MAML2: variants seen among roughly 807,000 people sequenced by gnomAD.
MAML2 encodes mastermind like transcriptional coactivator 2.
MAML2 carries 22 observed loss-of-function variants against 96.1 expected under a neutral mutation model. The observed-to-expected ratio is 0.23, with a 90% confidence interval of 0.16 to 0.33. The LOEUF is 0.33. Ranked by LOEUF, MAML2 falls within the 10% of genes least tolerant of loss-of-function variation. MAML2 has a pLI of 1.00. For missense variants in MAML2, 1,367 were observed against 1,392.4 expected (o/e 0.98, Z 0.29); for synonymous variants, 561 against 521.3 (o/e 1.08, Z -1.04).
At chr11:96,323,597 T>C (rs569585432) in intron 1 of MAML2, among the ~76,000 whole-genome samples, 2 of 152,352 alleles carry the variant, frequency 1.3e-5, no homozygotes, top group African/African-American at 4.8e-5. Context: ...CCCAAACTTA[T>C]TCTATAAATA....
At chr11:96,075,159 A>T (rs926027028) in intron 2 of MAML2, among the ~76,000 whole-genome samples, 2 of 152,246 alleles carry the variant, frequency 1.3e-5, no homozygotes, top group African/African-American at 4.8e-5. Context: ...GGATATTGAT[A>T]ATATTTCATG....
intron 1 of MAML2, among the ~76,000 whole-genome samples, chr11:96,213,212 G>A (rs1316928153): frequency 6.6e-6 from 1 of 152,182 alleles, no homozygotes; most frequent in Non-Finnish European, 1.5e-5. Flanking sequence ...CCCCATTGGA[G>A]CTCTTAGAAC....
intron 1 of MAML2, among the ~76,000 whole-genome samples, chr11:96,234,268 G>A (rs1862336726): frequency 6.6e-6 from 1 of 152,094 alleles, no homozygotes; most frequent in African/African-American, 2.4e-5. Context: ...GGTCACCTAA[G>A]GTCAGGAGTT....
intron 1 of MAML2, among the ~76,000 whole-genome samples, chr11:96,111,235 C>G (rs1349501938): frequency 6.6e-6 from 1 of 152,054 alleles, no homozygotes; most frequent in Non-Finnish European, 1.5e-5. Flanking sequence ...AAGTAACACC[C>G]TTTTTTCCTC....
chr11:96,342,084 G>C lies in MAML2; in HGVS notation c.-189C>G, dbSNP rs1373502853. ...GAGGGGAGTTAGTAAAAAGAGGGTG[G>C]GGAGAAAGAATAGAAACCAACTGGG... On this transcript the variant is annotated 5_prime_UTR_variant, in exon 1 of 5. Transcript: ENST00000524717. 10 of 580,266 alleles carry C rather than the reference G, an allele frequency of 1.7e-5. No homozygotes were observed. In the South Asian group the frequency reaches 2.5e-4, roughly 14 times the overall value. The allele number at this position is 580,266 out of a possible 1,614,324, so 35.9% of individuals were successfully genotyped here.
intron 2 of MAML2, among the ~76,000 whole-genome samples, chr11:96,082,777 G>C (rs762583966): frequency 3.3e-4 from 51 of 152,316 alleles, no homozygotes; most frequent in Non-Finnish European, 6.9e-4. Context: ...GTAAAAAGGA[G>C]AATTACAGTA....
At chr11:96,139,893 G>C (rs1164224144) in intron 1 of MAML2, among the ~76,000 whole-genome samples, 1 of 152,158 alleles carries the variant, frequency 6.6e-6, no homozygotes, top group Non-Finnish European at 1.5e-5. Flanking sequence ...TACTCTCCGT[G>C]ATGCAATGAA....
intron 1 of MAML2, among the ~76,000 whole-genome samples, chr11:96,317,335 T>C (rs1288748825): frequency 1.3e-5 from 2 of 152,162 alleles, no homozygotes; most frequent in Non-Finnish European, 2.9e-5. Context: ...CCTCCAAAAA[T>C]GCCTAAAATG....
chr11:96,124,644 CACT>C (rs1860408411), intron 1 of MAML2, among the ~76,000 whole-genome samples: 1 of 152,158 alleles, frequency 6.6e-6, no homozygotes, highest in South Asian at 2.1e-4. Flanking sequence ...TCATCATCAT[CACT>C]ACCATCATTA....
intron 1 of MAML2, among the ~76,000 whole-genome samples, chr11:96,264,678 G>T (rs1383303260): frequency 6.6e-6 from 1 of 152,142 alleles, no homozygotes; most frequent in Non-Finnish European, 1.5e-5. Flanking sequence ...GCTAATAACG[G>T]AGGGTCCACA....
chr11:96,288,442 C>T (rs908158143), intron 1 of MAML2, among the ~76,000 whole-genome samples: 2 of 150,970 alleles, frequency 1.3e-5, no homozygotes, highest in Non-Finnish European at 2.9e-5. Context: ...CTCGGGAGGC[C>T]GAGGCAGGAG....
intron 1 of MAML2, among the ~76,000 whole-genome samples, chr11:96,119,958 A>ATT (rs55920936): frequency 0.013 from 1,779 of 135,840 alleles, 76 homozygotes; most frequent in Non-Finnish European, 0.016. Context: ...GAAGATTCAG[A>ATT]TTTTTTTTTT....
At chr11:96,040,171 G>T (rs1858785391) in intron 2 of MAML2, among the ~76,000 whole-genome samples, 1 of 151,998 alleles carries the variant, frequency 6.6e-6, no homozygotes, top group African/African-American at 2.4e-5. Flanking sequence ...ACACTTCAAG[G>T]TGACAGATAA....
At chr11:96,058,908 C>T (rs957320076) in intron 2 of MAML2, among the ~76,000 whole-genome samples, 12 of 152,058 alleles carry the variant, frequency 7.9e-5, no homozygotes, top group Admixed American at 5.2e-4. Context: ...ATGGTAAAAC[C>T]CTGTCTCTAC....
intron 1 of MAML2, among the ~76,000 whole-genome samples, chr11:96,262,137 G>T (rs1862758480): frequency 6.6e-6 from 1 of 152,198 alleles, no homozygotes; most frequent in Non-Finnish European, 1.5e-5. Flanking sequence ...GGGACATTCT[G>T]ACATGTACTA....
intron 1 of MAML2, among the ~76,000 whole-genome samples, chr11:96,263,611 A>C (rs980523267): frequency 1.3e-5 from 2 of 152,236 alleles, no homozygotes; most frequent in Non-Finnish European, 2.9e-5. Flanking sequence ...ATTTATCCAA[A>C]GGTAAAGCTA....
chr11:96,171,276 T>C (rs1171287849), intron 1 of MAML2, among the ~76,000 whole-genome samples: 1 of 152,194 alleles, frequency 6.6e-6, no homozygotes, highest in East Asian at 1.9e-4. Flanking sequence ...AACGGTGATA[T>C]GTCATCACCT....
intron 2 of MAML2, 86 bp from the exon 3 acceptor site, chr11:95,991,809 A>C (rs1857918418): frequency 2.0e-6 from 2 of 1,003,302 alleles, no homozygotes; most frequent in Non-Finnish European, 3.1e-6. Flanking sequence ...CAGATTCCAA[A>C]CATTTTTCAT....
intron 1 of MAML2, among the ~76,000 whole-genome samples, chr11:96,267,452 C>T (rs1862845372): frequency 6.6e-6 from 1 of 152,120 alleles, no homozygotes; most frequent in Non-Finnish European, 1.5e-5. Context: ...TCAGGAAAAA[C>T]AAAAACAAAA....
Sources: allele counts gnomAD v4.1 joint callset (sites outside exome capture counted in the v4.1 genomes callset), GRCh38; gene constraint gnomAD v4.1.1; transcripts MANE v1.5; gene names NCBI Gene and HGNC (gene_info 2026-07-23, HGNC 2026-07-21).